The following SLC13A4 variants were observed in gnomAD, a reference collection of about 807,000 sequenced individuals.
SLC13A4 encodes Na(+)/sulfate cotransporter SUT-1.
A neutral mutation model predicts 72.7 loss-of-function variants in SLC13A4; 28 were observed. The ratio of observed to expected loss-of-function variants is 0.39; its 90% confidence interval spans 0.29 to 0.53. The LOEUF is 0.53. SLC13A4 is among the 20% of genes least tolerant of loss of function. The probability of loss-of-function intolerance (pLI) is 0.78; values close to 1 mark genes in which losing one functional copy is unlikely to be tolerated. For missense variants in SLC13A4, 653 were observed against 788.0 expected, an observed-to-expected ratio of 0.83 and a Z score of 2.05; for synonymous variants, 312 against 325.5, an observed-to-expected ratio of 0.96 and a Z score of 0.45.
chr7:135,699,308 G>T (rs1269281195), intron 8 of SLC13A4, 56 bp downstream of exon 8: 1 of 1,496,216 alleles, frequency 6.7e-7, no homozygotes, highest in East Asian at 2.3e-5. Context: ...ACCTAGTCCA[G>T]TTCCTGACAC....
Position 135,706,243 on chromosome 7 carries a change from G to C in SLC13A4, c.423C>G (p.Thr141=). The change falls in exon 4 of 16, where the codon ACC becomes ACG. Residue 141 remains threonine, a synonymous_variant. Transcript: ENST00000682651. ...TTLLSMWLSN[T]STTAMVMPIV... Reference sequence around the variant, plus strand: ...TGGGCATCACCATGGCGGTGGTGGAGGTGTTGGACAGCCACATGGACAGCA... The same window carrying C: ...TGGGCATCACCATGGCGGTGGTGGACGTGTTGGACAGCCACATGGACAGCA... 1 of 1,613,954 alleles carries C rather than the reference G, an allele frequency of 6.2e-7. No individual in the cohort carries two copies. The highest frequency in any genetic ancestry group is 8.5e-7 in the Non-Finnish European group (1 of 1,179,834).
At chr7:135,714,739 G>A (rs1355424705) in intron 2 of SLC13A4, among the ~76,000 whole-genome samples, 1 of 152,258 alleles carries the variant, frequency 6.6e-6, no homozygotes, top group African/African-American at 2.4e-5. Flanking sequence ...ACGAGTCAGA[G>A]GGCAGGAATC....
At chr7:135,703,964 G>C (rs1796101777) in intron 5 of SLC13A4, 1 of 152,286 alleles carries the variant, frequency 6.6e-6, no homozygotes, top group Admixed American at 6.5e-5. Context: ...AGTGCTGTCT[G>C]CACACCCAGC....
intron 9 of SLC13A4, 67 bp downstream of exon 9, chr7:135,695,301 C>T (rs553638978): frequency 1.9e-6 from 3 of 1,600,984 alleles, no homozygotes; most frequent in Non-Finnish European, 2.6e-6. Context: ...CCATCCAGGG[C>T]CCATGCCATG....
At chr7:135,715,093 GTA>G (rs1796388306) in intron 2 of SLC13A4, among the ~76,000 whole-genome samples, 2 of 151,498 alleles carry the variant, frequency 1.3e-5, no homozygotes, top group Non-Finnish European at 1.5e-5. Context: ...GTGTATAAGT[GTA>G]TGTGTGTGAG....
intron 15 of SLC13A4, 100 bp from the exon 16 acceptor site, chr7:135,681,800 G>C: frequency 6.6e-7 from 1 of 1,508,104 alleles, no homozygotes. Context: ...TTGTGGCCCA[G>C]ATTAGTTCCC....
At chr7:135,694,268 A>T in intron 9 of SLC13A4, 30 bp from the exon 10 acceptor site, 2 of 1,351,860 alleles carry the variant, frequency 1.5e-6, no homozygotes, top group Non-Finnish European at 2.1e-6. Context: ...AAATGATTAA[A>T]GAAAACACAC....
intron 13 of SLC13A4, 49 bp downstream of exon 13, chr7:135,691,142 TGACAGAGCAA>T: frequency 6.7e-7 from 1 of 1,501,126 alleles, no homozygotes; most frequent in South Asian, 1.2e-5. Flanking sequence ...CCAGCCTGGG[TGACAGAGCAA>T]GACTGTCTCA....
chr7:135,710,650 G>A (rs1328733022), intron 2 of SLC13A4, among the ~76,000 whole-genome samples: 4 of 152,188 alleles, frequency 2.6e-5, no homozygotes, highest in Admixed American at 6.5e-5. Context: ...CAGTATTAAA[G>A]TATTTGATTT....
In SLC13A4 at chr7:135,695,392, A is replaced by C; in HGVS notation, c.995T>G (p.Met332Arg). ...CTTGCAGCCCAGGAACAGCCAGTGCATCCAGAACCAGCTGACCACCAGCAT... is the reference window on the plus strand; with the variant it reads ...CTTGCAGCCCAGGAACAGCCAGTGCCTCCAGAACCAGCTGACCACCAGCAT... Reference protein sequence around the residue: ...LIMLVVSWFWMHWLFLGCNFK... With the variant: ...LIMLVVSWFWRHWLFLGCNFK... Residue 332 changes from methionine (M) to arginine (R), a missense_variant, in exon 9 of 16, where the codon ATG (methionine) becomes AGG (arginine). Met to Arg is a moderately conservative substitution (Grantham distance 91). Coordinates refer to ENST00000682651, the MANE Select transcript of SLC13A4 (RefSeq NM_001318192.2). 2 of 1,614,130 alleles carry C rather than the reference A, an allele frequency of 1.2e-6. No homozygotes were observed. The highest frequency in any genetic ancestry group is 1.7e-6 in the Non-Finnish European group (2 of 1,179,994).
chr7:135,686,278 G>A (rs901342904), intron 13 of SLC13A4, among the ~76,000 whole-genome samples: 16 of 152,152 alleles, frequency 1.1e-4, no homozygotes, highest in Non-Finnish European at 2.2e-4. Context: ...TGGAGAAGGT[G>A]CCTCTTAAGT....
rs1476815373 is a variant in SLC13A4 at position 135,727,866 on chromosome 7, T to G, written c.-370A>C. The G allele has an allele frequency of 2.4e-5, 5 of 205,356 alleles. No homozygotes were observed. Among genetic ancestry groups the G allele is most frequent in the African/African-American group, 1.1e-4 (5 of 43,576 alleles). The allele number at this position is 205,356 out of a possible 1,614,324, so 12.7% of individuals were successfully genotyped here. A position where few individuals can be genotyped will look rare whatever the true frequency, so the allele number is the denominator to read the frequency against. On this transcript the variant is annotated 5_prime_UTR_variant, in exon 1 of 16. Transcript: ENST00000682651. ...CTTTAAGCCACACCTTTGCTGCTGCTGCTCGGCCTTGAAGAAATCATTTAA... is the reference window on the plus strand; with the variant it reads ...CTTTAAGCCACACCTTTGCTGCTGCGGCTCGGCCTTGAAGAAATCATTTAA...
chr7:135,715,185 A>G (rs1324946102), intron 2 of SLC13A4, among the ~76,000 whole-genome samples: 11 of 148,644 alleles, frequency 7.4e-5, no homozygotes, highest in African/African-American at 2.2e-4. Flanking sequence ...ATATGGGTAT[A>G]TAAGTGTGTA....
At chr7:135,706,450 G>T in intron 3 of SLC13A4, 150 bp from the exon 4 acceptor site, 1 of 683,862 alleles carries the variant, frequency 1.5e-6, no homozygotes, top group Non-Finnish European at 2.4e-6. Flanking sequence ...ATTCAGCTCT[G>T]TACTCCCAAT....
intron 1 of SLC13A4, among the ~76,000 whole-genome samples, chr7:135,724,680 C>T (rs914577899): frequency 1.1e-4 from 17 of 152,226 alleles, no homozygotes; most frequent in African/African-American, 3.9e-4. Context: ...CATCAGGCCA[C>T]CTTCACCCAG....
intron 15 of SLC13A4, among the ~76,000 whole-genome samples, chr7:135,682,798 C>T (rs916227418): frequency 6.6e-6 from 1 of 152,192 alleles, no homozygotes; most frequent in African/African-American, 2.4e-5. Flanking sequence ...AAATTACTGC[C>T]TCTGATCATT....
chr7:135,703,723 G>C (rs1584729022), intron 5 of SLC13A4: 1 of 152,384 alleles, frequency 6.6e-6, no homozygotes, highest in East Asian at 1.9e-4. Context: ...TGAAGACAGA[G>C]AGCGTATTGG....
rs753681932 is a variant in SLC13A4 at position 135,684,112 on chromosome 7, AC to A, written c.1746+11del. 13 of 1,588,920 alleles carry A rather than the reference AC, an allele frequency of 8.2e-6. 1 individual carries two copies. In the East Asian group the frequency reaches 2.7e-4, roughly 33 times the overall value. ...CAGCTGGGCCTGGCAGGGAGAGGGC[AC>A]CCCAACTCACCATATCTTTGATCTG... On this transcript the variant is annotated intron_variant, in intron 15 of 15. Transcript: ENST00000682651.
intron 1 of SLC13A4, among the ~76,000 whole-genome samples, chr7:135,723,162 C>T (rs551060411): frequency 2.0e-5 from 3 of 152,222 alleles, no homozygotes; most frequent in African/African-American, 7.2e-5. Flanking sequence ...GTCTGGTTCT[C>T]GTTGCTCTTG....
Sources: gnomAD v4.1 joint callset for allele counts (sites outside exome capture counted in the v4.1 genomes callset) on GRCh38, gnomAD v4.1.1 for gene constraint, MANE v1.5 for transcripts, NCBI Gene and HGNC (gene_info 2026-07-23, HGNC 2026-07-21) for gene names.